The following RGS6 variants were observed in gnomAD, a reference collection of about 807,000 sequenced individuals.
RGS6 encodes the protein regulator of G-protein signaling 6.
A neutral mutation model predicts 78.5 loss-of-function variants in RGS6; 30 were observed. The observed-to-expected ratio is 0.38, with a 90% CI of 0.29 to 0.52. The LOEUF (loss-of-function observed/expected upper bound fraction) is 0.52. Among genes scored for constraint, RGS6 ranks in the 20% least tolerant of loss-of-function variants. The pLI is 0.85. For missense variants in RGS6, 495 were observed against 609.7 expected, an observed-to-expected ratio of 0.81 and a Z score of 1.98; for synonymous variants, 206 against 206.0, an observed-to-expected ratio of 1.00 and a Z score of 0.00.
At chr14:72,522,516 TTG>T (rs1007390816) in intron 15 of RGS6, among the ~76,000 whole-genome samples, 1 of 152,228 alleles carries the variant, frequency 6.6e-6, no homozygotes, top group African/African-American at 2.4e-5. Context: ...ATTGCAGGCT[TTG>T]TGAGTCATGT....
chr14:71,902,862 A>G, the RGS6 span, among the ~76,000 whole-genome samples: 2 of 152,214 alleles, frequency 1.3e-5, no homozygotes, highest in Non-Finnish European at 2.9e-5. Context: ...CAACCATCGT[A>G]GATGAACAAA....
rs1455982362 is a variant in RGS6, at chr14:72,052,971, TTCTTTCTTTCTTTCTCTCTCTCTC to T, written c.84+88100_84+88123del. Among the ~76,000 whole-genome samples the T allele has an allele frequency of 4.9e-4, 25 of 50,542 alleles. No individual in the cohort carries two copies. In the South Asian group the frequency reaches 5.2e-3, roughly 10 times the overall value. 33.2% of individuals were successfully genotyped at this position (50,542 alleles called of 152,430 possible). A position where few individuals can be genotyped will look rare whatever the true frequency, so the allele number is the denominator to read the frequency against. ...TTTCTTTCTTTCTTTCTTTCTTTCTTTCTTTCTTTCTTTCTCTCTCTCTCTCTCTCTCTCTTTCTTTCCTTCTTT... is the reference window on the plus strand; with the variant it reads ...TTTCTTTCTTTCTTTCTTTCTTTCTTTCTCTCTCTCTTTCTTTCCTTCTTT... On this transcript the variant is annotated intron_variant, in intron 2 of 17. Coordinates refer to ENST00000553525, the MANE Select transcript of RGS6 (RefSeq NM_001204424.2).
Position 72,313,951 on chromosome 14 carries a change from A to G in RGS6, c.85-38144A>G, listed in dbSNP as rs768560782. 6.6e-5 allele frequency among the ~76,000 whole-genome samples: 10 copies of G among 152,218 alleles called. 1 individual carries two copies. Among genetic ancestry groups the G allele is most frequent in the Non-Finnish European group, 1.3e-4 (9 of 68,042 alleles). On this transcript the variant is annotated intron_variant, in intron 2 of 17. Transcript: ENST00000553525. Reference sequence around the variant, plus strand: ...TTTTTCAGCCACTTTCACTAAATCAACCAACCAAACCTTTTCTGTGCCCTT... The same window carrying G: ...TTTTTCAGCCACTTTCACTAAATCAGCCAACCAAACCTTTTCTGTGCCCTT...
intron 2 of RGS6, among the ~76,000 whole-genome samples, chr14:71,968,004 G>A (rs1283912007): frequency 6.6e-6 from 1 of 152,120 alleles, no homozygotes; most frequent in Admixed American, 6.6e-5. Flanking sequence ...TTCTAATTTA[G>A]TTTTTCATCC....
chr14:72,289,136 C>G (rs190441150), intron 2 of RGS6, among the ~76,000 whole-genome samples: 54 of 152,220 alleles, frequency 3.5e-4, no homozygotes, highest in Admixed American at 4.6e-4. Flanking sequence ...GGTATTAACC[C>G]TTAATCAGCA....
At chr14:72,015,357 A>G (rs1567023483) in intron 2 of RGS6, among the ~76,000 whole-genome samples, 1 of 152,216 alleles carries the variant, frequency 6.6e-6, no homozygotes, top group Non-Finnish European at 1.5e-5. Context: ...TTATGGCCCA[A>G]ACACCTCCCA....
Position 71,988,100 on chromosome 14 carries a change from A to G in RGS6, c.84+23225A>G, listed in dbSNP as rs148099347. On this transcript the variant is annotated intron_variant, in intron 2 of 17. Coordinates refer to ENST00000553525, the MANE Select transcript of RGS6 (RefSeq NM_001204424.2). ...ACACAAGTGATAGTGTTGGTGGCCA[A>G]TCTGCCAGGGAAGAGTCTGACCCTG... Among the ~76,000 whole-genome samples, 472 of 152,264 alleles carry G rather than the reference A, an allele frequency of 3.1e-3. 4 individuals carry two copies. The highest frequency in any genetic ancestry group is 0.023 in the South Asian group (109 of 4,826).
At chr14:72,408,742 G>T (rs1253852970) in intron 3 of RGS6, among the ~76,000 whole-genome samples, 1 of 152,212 alleles carries the variant, frequency 6.6e-6, no homozygotes, top group Non-Finnish European at 1.5e-5. Flanking sequence ...ATAAAGAACA[G>T]AAAAGGACAT....
At chr14:72,083,611 C>T (rs1349960045) in intron 2 of RGS6, among the ~76,000 whole-genome samples, 3 of 152,176 alleles carry the variant, frequency 2.0e-5, no homozygotes, top group African/African-American at 7.2e-5. Flanking sequence ...GTCTTCTGAG[C>T]TGCTCAGAAA....
intron 2 of RGS6, among the ~76,000 whole-genome samples, chr14:72,039,426 C>T (rs2153370983): frequency 6.6e-6 from 1 of 152,202 alleles, no homozygotes; most frequent in Admixed American, 6.5e-5. Flanking sequence ...TGAATTGGCC[C>T]TTTTATTGTT....
At chr14:72,176,511 C>T (rs575310012) in intron 2 of RGS6, among the ~76,000 whole-genome samples, 3 of 152,188 alleles carry the variant, frequency 2.0e-5, no homozygotes, top group South Asian at 2.1e-4. Flanking sequence ...AGCCATGCAC[C>T]GCTGTGCTGT....
chr14:72,277,613 A>AT (rs55789033), intron 2 of RGS6, among the ~76,000 whole-genome samples: 28,520 of 151,230 alleles, frequency 0.19, 2,679 homozygotes, highest in African/African-American at 0.21. Flanking sequence ...AAAAAAAAAA[A>AT]TTTTAAATTT....
intron 2 of RGS6, among the ~76,000 whole-genome samples, chr14:72,291,808 C>T (rs917391170): frequency 1.3e-5 from 2 of 152,062 alleles, no homozygotes; most frequent in African/African-American, 4.8e-5. Flanking sequence ...GTATAGTTAC[C>T]GAGCGTACTT....
At chr14:72,069,469 C>T (rs1036650972) in intron 2 of RGS6, among the ~76,000 whole-genome samples, 2 of 152,164 alleles carry the variant, frequency 1.3e-5, no homozygotes, top group Non-Finnish European at 2.9e-5. Context: ...CCGTTTTCCT[C>T]TCTTGTGCTG....
intron 2 of RGS6, among the ~76,000 whole-genome samples, chr14:71,971,359 A>G (rs1353783965): frequency 1.3e-5 from 2 of 152,196 alleles, no homozygotes; most frequent in African/African-American, 2.4e-5. Flanking sequence ...CTCACTCTGC[A>G]AAACCTTGCA....
chr14:72,242,209 T>G (rs1162720911), intron 2 of RGS6, among the ~76,000 whole-genome samples: 1 of 152,078 alleles, frequency 6.6e-6, no homozygotes, highest in Non-Finnish European at 1.5e-5. Flanking sequence ...TATACCAACT[T>G]AACAAAGGTG....
At chr14:72,532,490 C>T (rs75829257) in intron 15 of RGS6, among the ~76,000 whole-genome samples, 1 of 152,272 alleles carries the variant, frequency 6.6e-6, no homozygotes, top group East Asian at 1.9e-4. Flanking sequence ...AAGGAACAGT[C>T]GCATGTCTCT....
intron 2 of RGS6, among the ~76,000 whole-genome samples, chr14:72,214,682 G>A (rs1057356506): frequency 1.3e-5 from 2 of 152,090 alleles, no homozygotes; most frequent in Non-Finnish European, 2.9e-5. Flanking sequence ...AGGAAAGTTG[G>A]GTGCAGTGTC....
intron 15 of RGS6, among the ~76,000 whole-genome samples, chr14:72,530,029 G>C (rs1420568380): frequency 1.3e-5 from 2 of 152,206 alleles, no homozygotes; most frequent in Admixed American, 6.5e-5. Flanking sequence ...GCTTTATCCT[G>C]CTCTATTTTG....
Sources: gnomAD v4.1 joint callset for allele counts (sites outside exome capture counted in the v4.1 genomes callset) on GRCh38, gnomAD v4.1.1 for gene constraint, MANE v1.5 for transcripts, NCBI Gene and HGNC (gene_info 2026-07-23, HGNC 2026-07-21) for gene names.